TCF4: variants seen among roughly 807,000 people sequenced by gnomAD.
TCF4 encodes transcription factor 4, also known as SL3-3 enhancer factor 2.
Under a neutral mutation model 82.1 loss-of-function variants are expected in TCF4, and 3 were observed. The observed-to-expected ratio is 0.04, with a 90% CI of 0.02 to 0.09. TCF4 has a LOEUF of 0.09. TCF4 is among the 10% of genes least tolerant of loss of function. TCF4 has a pLI of 1.00. For synonymous variants in TCF4, 276 were observed against 309.6 expected (o/e 0.89, Z 1.14); for missense variants, 518 against 852.7 (o/e 0.61, Z 4.89).
intron 8 of TCF4, among the ~76,000 whole-genome samples, chr18:55,328,149 T>C (rs1043308950): frequency 6.6e-6 from 1 of 152,160 alleles, no homozygotes; most frequent in Admixed American, 6.5e-5. Flanking sequence ...CCTACACATT[T>C]GACTCAAAGT....
intron 3 of TCF4, among the ~76,000 whole-genome samples, chr18:55,565,749 A>C (rs930921062): frequency 6.6e-6 from 1 of 152,172 alleles, no homozygotes; most frequent in Non-Finnish European, 1.5e-5. Context: ...GCATATATAC[A>C]CAATGGAATA....
chr18:55,507,998 T>A (rs2096782392), intron 3 of TCF4, among the ~76,000 whole-genome samples: 1 of 152,094 alleles, frequency 6.6e-6, no homozygotes. Context: ...CTATAAAGTC[T>A]CATCCTCAAG....
At chr18:55,381,103 T>C (rs2145862633) in intron 6 of TCF4, among the ~76,000 whole-genome samples, 1 of 152,316 alleles carries the variant, frequency 6.6e-6, no homozygotes, top group South Asian at 2.1e-4. Context: ...TCAACTCTCT[T>C]CTCACCCCAT....
At chr18:55,398,783 G>A (rs1385577409) in intron 6 of TCF4, among the ~76,000 whole-genome samples, 1 of 152,202 alleles carries the variant, frequency 6.6e-6, no homozygotes, top group African/African-American at 2.4e-5. Context: ...TAGGCACATG[G>A]TACACATTCA....
chr18:55,502,737 C>T (rs144654135), intron 3 of TCF4, among the ~76,000 whole-genome samples: 1 of 152,080 alleles, frequency 6.6e-6, no homozygotes, highest in Non-Finnish European at 1.5e-5. Flanking sequence ...CTGATTTTCA[C>T]ACAAGTTAAG....
intron 3 of TCF4, among the ~76,000 whole-genome samples, chr18:55,487,381 G>A (rs528539951): frequency 1.3e-5 from 2 of 152,326 alleles, no homozygotes; most frequent in East Asian, 3.9e-4. Context: ...CCACCAGGAT[G>A]CAAGCTTCAG....
intron 5 of TCF4, among the ~76,000 whole-genome samples, chr18:55,458,973 G>A (rs757223895): frequency 1.3e-5 from 2 of 152,096 alleles, no homozygotes; most frequent in Non-Finnish European, 2.9e-5. Context: ...AAATCTGCTC[G>A]AGGTGGAAAA....
intron 8 of TCF4, among the ~76,000 whole-genome samples, chr18:55,328,730 A>C (rs2077000144): frequency 6.6e-6 from 1 of 152,218 alleles, no homozygotes; most frequent in Admixed American, 6.5e-5. Flanking sequence ...TTAACAAAAA[A>C]TGGATGGATG....
chr18:55,342,388 C>G (rs888328072), intron 8 of TCF4, among the ~76,000 whole-genome samples: 14 of 152,018 alleles, frequency 9.2e-5, no homozygotes, highest in Admixed American at 2.6e-4. Flanking sequence ...ATGAGGGACC[C>G]CAAGGTTCTG....
chr18:55,329,890 T>C (rs759269490), intron 8 of TCF4, among the ~76,000 whole-genome samples: 4 of 152,238 alleles, frequency 2.6e-5, no homozygotes, highest in Non-Finnish European at 5.9e-5. Context: ...AAAACAACTT[T>C]AGCATTTCTA....
intron 4 of TCF4, among the ~76,000 whole-genome samples, chr18:55,462,685 A>C (rs564372543): frequency 6.6e-6 from 1 of 152,338 alleles, no homozygotes; most frequent in African/African-American, 2.4e-5. Context: ...ATAAATCATA[A>C]GAAATTGTGA....
intron 3 of TCF4, among the ~76,000 whole-genome samples, chr18:55,493,612 C>T (rs1368796182): frequency 6.6e-6 from 1 of 152,068 alleles, no homozygotes; most frequent in East Asian, 1.9e-4. Context: ...CTTGATAATT[C>T]TTGAACACAG....
intron 8 of TCF4, among the ~76,000 whole-genome samples, chr18:55,299,286 C>T (rs2067388971): frequency 6.6e-6 from 1 of 151,994 alleles, no homozygotes; most frequent in Admixed American, 6.5e-5. Flanking sequence ...GTGGTGGACA[C>T]CTGTAATCCT....
At chr18:55,461,906 G>A (rs1051681932) in intron 4 of TCF4, among the ~76,000 whole-genome samples, 1 of 152,092 alleles carries the variant, frequency 6.6e-6, no homozygotes, top group Non-Finnish European at 1.5e-5. Flanking sequence ...AACGCAATAG[G>A]AAAGAGTTAA....
chr18:55,513,762 T>C (rs545285065), intron 3 of TCF4, among the ~76,000 whole-genome samples: 7 of 152,292 alleles, frequency 4.6e-5, no homozygotes, highest in African/African-American at 1.7e-4. Flanking sequence ...CATATATAAT[T>C]TGTTTTATAA....
intron 17 of TCF4, chr18:55,231,505 C>T (rs1227115591): frequency 1.3e-5 from 2 of 152,178 alleles, no homozygotes; most frequent in African/African-American, 4.8e-5. Context: ...TCCAAAACTT[C>T]AAAGAATCCA....
intron 6 of TCF4, chr18:55,401,980 T>C: frequency 1.0e-6 from 1 of 963,910 alleles, no homozygotes; most frequent in Non-Finnish European, 1.2e-6. Flanking sequence ...CTGCAGGAAC[T>C]GAGAGCTTTA....
intron 5 of TCF4, among the ~76,000 whole-genome samples, chr18:55,420,024 T>C (rs539287654): frequency 9.5e-4 from 144 of 152,294 alleles, no homozygotes; most frequent in African/African-American, 3.4e-3. Context: ...AGGTTTCCTA[T>C]TACAGAGTTC....
intron 6 of TCF4, among the ~76,000 whole-genome samples, chr18:55,400,396 ATATT>A (rs1355245192): frequency 6.6e-6 from 1 of 152,164 alleles, no homozygotes; most frequent in Non-Finnish European, 1.5e-5. Context: ...TAGTTTTGTC[ATATT>A]TAGTAAGAAC....
Sources: gnomAD v4.1 joint callset for allele counts (sites outside exome capture counted in the v4.1 genomes callset) on GRCh38, gnomAD v4.1.1 for gene constraint, MANE v1.5 for transcripts, NCBI Gene and HGNC (gene_info 2026-07-23, HGNC 2026-07-21) for gene names.